NCALD: variants seen among roughly 807,000 people sequenced by gnomAD.
The protein encoded by NCALD is neurocalcin-delta.
Under a neutral mutation model 18.6 loss-of-function variants are expected in NCALD, and 10 were observed. That is an observed-to-expected ratio of 0.54 (90% confidence interval 0.33 to 0.91). The LOEUF (loss-of-function observed/expected upper bound fraction) is 0.91, where lower values mean the gene tolerates loss of function less well. Among genes scored for constraint, NCALD ranks in the 40% least tolerant of loss-of-function variants. NCALD has a pLI of 0.03. For synonymous variants in NCALD, 88 were observed against 87.4 expected (o/e 1.01, Z -0.04); for missense variants, 184 against 247.6 (o/e 0.74, Z 1.72).
At chr8:101,698,875 G>T (rs891188185) in intron 2 of NCALD, among the ~76,000 whole-genome samples, 1 of 152,138 alleles carries the variant, frequency 6.6e-6, no homozygotes, top group Non-Finnish European at 1.5e-5. Flanking sequence ...CATGGGCAAA[G>T]ACTTTATGAT....
intron 1 of NCALD, among the ~76,000 whole-genome samples, chr8:101,784,612 C>A (rs979757498): frequency 6.6e-6 from 1 of 152,014 alleles, no homozygotes; most frequent in African/African-American, 2.4e-5. Flanking sequence ...GCCTGGGCAA[C>A]ATAGTGAGAC....
rs148800253 is a variant in NCALD, at chr8:101,828,334, C to T, written c.-20+58807G>A. On this transcript the variant is annotated intron_variant, in intron 4 of 6. Coordinates refer to the NCALD transcript ENST00000311028. ...CCAGCCCCGCTCCCGATTACTACCCCGATTCAATGCTTCCTCTCCCCGTCA... is the reference window on the plus strand; with the variant it reads ...CCAGCCCCGCTCCCGATTACTACCCTGATTCAATGCTTCCTCTCCCCGTCA... Among the ~76,000 whole-genome samples, 540 of 152,248 alleles carry T rather than the reference C, an allele frequency of 3.5e-3. 4 individuals carry two copies. The highest frequency in any genetic ancestry group is 0.013 in the South Asian group (64 of 4,824).
chr8:101,763,596 G>A lies in NCALD; in HGVS notation c.-20+27266C>T, dbSNP rs528502683. Among the ~76,000 whole-genome samples, 5 of 152,190 alleles carry A rather than the reference G, an allele frequency of 3.3e-5. No homozygotes were observed. The East Asian group carries it at 9.7e-4, about 29-fold the overall frequency. ...AAATATTATCCTGGGTATTTTATGA[G>A]GGTGTTTTTGGATGAGATTACCATT... is the stretch of plus-strand genomic sequence containing the variant. On this transcript the variant is annotated intron_variant, in intron 1 of 3. Transcript: ENST00000220931.
rs548356533 is a variant in NCALD at position 101,908,974 on chromosome 8, T to C, written c.-107+6835A>G. ...GGCCAGTTTTCCAAAAATCAAGAGA[T>C]TCATAGCAACCAATCAGAAGAGGCC... On this transcript the variant is annotated intron_variant, in intron 3 of 6. Transcript: ENST00000311028. 2.0e-5 allele frequency among the ~76,000 whole-genome samples: 3 copies of C among 152,102 alleles called. No individual in the cohort carries two copies. The East Asian group carries it at 5.8e-4, about 29-fold the overall frequency.
Position 101,687,952 on chromosome 8 carries a change from C to T in NCALD, c.*1357G>A, listed in dbSNP as rs760332465. 6.6e-6 allele frequency: 1 copy of T among 152,196 alleles called. No homozygotes were observed. The highest frequency in any genetic ancestry group is 6.5e-5 in the Admixed American group (1 of 15,276). The allele number at this position is 152,196 out of a possible 1,614,324, so 9.4% of individuals were successfully genotyped here. ...ATTCTCCATAGGGGGGCCTTGGAAA[C>T]CACAGACACACTTGCCCATGTCTTT... On this transcript the variant is annotated 3_prime_UTR_variant, in exon 4 of 4. Coordinates refer to ENST00000220931, the MANE Select transcript of NCALD (RefSeq NM_032041.3).
chr8:102,051,005 A>AT (rs919466702), intron 1 of NCALD, among the ~76,000 whole-genome samples: 7 of 150,728 alleles, frequency 4.6e-5, no homozygotes, highest in African/African-American at 1.2e-4. Context: ...ATATAAAGTA[A>AT]TTTTTTTATA....
intron 4 of NCALD, among the ~76,000 whole-genome samples, chr8:101,835,829 G>A (rs2131267397): frequency 6.6e-6 from 1 of 152,252 alleles, no homozygotes; most frequent in Non-Finnish European, 1.5e-5. Context: ...AGGGGAGCAT[G>A]CACAGCTGTG....
chr8:101,770,711 G>A (rs1811548859), intron 1 of NCALD, among the ~76,000 whole-genome samples: 1 of 152,132 alleles, frequency 6.6e-6, no homozygotes, highest in African/African-American at 2.4e-5. Context: ...AAGGCACAGG[G>A]CAGAGACAGC....
chr8:101,793,864 A>G (rs1812537543), upstream of NCALD, among the ~76,000 whole-genome samples: 1 of 152,222 alleles, frequency 6.6e-6, no homozygotes, highest in Admixed American at 6.5e-5. Context: ...AAATGCCACT[A>G]AACAAGCAGT....
At chr8:101,901,691 T>C (rs1817429523) in intron 3 of NCALD, among the ~76,000 whole-genome samples, 2 of 152,204 alleles carry the variant, frequency 1.3e-5, no homozygotes, top group South Asian at 4.1e-4. Context: ...CATCGGATAG[T>C]GTTATTTTTT....
At chr8:101,892,602 T>C (rs1586705884) in intron 3 of NCALD, among the ~76,000 whole-genome samples, 1 of 148,326 alleles carries the variant, frequency 6.7e-6, no homozygotes, top group East Asian at 1.9e-4. Context: ...GGCAAAGAAG[T>C]TGAACACTTT....
At chr8:102,090,245 A>G (rs1463164739) in intron 1 of NCALD, among the ~76,000 whole-genome samples, 1 of 152,234 alleles carries the variant, frequency 6.6e-6, no homozygotes, top group African/African-American at 2.4e-5. Flanking sequence ...TATCAAAGTT[A>G]TAATTGTTAT....
chr8:101,852,281 T>C (rs1815127872), intron 4 of NCALD, among the ~76,000 whole-genome samples: 1 of 152,208 alleles, frequency 6.6e-6, no homozygotes, highest in African/African-American at 2.4e-5. Flanking sequence ...CACTGTACTA[T>C]GTTCTTTTCA....
intron 2 of NCALD, among the ~76,000 whole-genome samples, chr8:101,954,428 T>C (rs1257774035): frequency 6.6e-6 from 1 of 152,190 alleles, no homozygotes; most frequent in Non-Finnish European, 1.5e-5. Context: ...TTTCTGCTTT[T>C]CTTTCCCTTC....
At chr8:101,745,367 G>A (rs1368743965) in intron 1 of NCALD, among the ~76,000 whole-genome samples, 1 of 152,132 alleles carries the variant, frequency 6.6e-6, no homozygotes. Flanking sequence ...TGACTGAGAT[G>A]TAGGGGGAGA....
chr8:101,855,560 G>C (rs1452340143), intron 4 of NCALD, among the ~76,000 whole-genome samples: 2 of 152,074 alleles, frequency 1.3e-5, no homozygotes, highest in Non-Finnish European at 2.9e-5. Context: ...GATAGAAATG[G>C]CTACATTTAA....
At chr8:102,088,039 G>A (rs1341732306) in intron 1 of NCALD, among the ~76,000 whole-genome samples, 1 of 152,168 alleles carries the variant, frequency 6.6e-6, no homozygotes, top group Non-Finnish European at 1.5e-5. Context: ...AATCTTTTGC[G>A]CTTTGTGATA....
intron 4 of NCALD, among the ~76,000 whole-genome samples, chr8:101,854,967 A>T (rs1815248715): frequency 1.3e-5 from 2 of 152,068 alleles, no homozygotes; most frequent in South Asian, 4.2e-4. Context: ...TGCCCACACA[A>T]ATATAGCAGC....
rs997279461 is a variant in NCALD, at chr8:101,876,645, A to G, written c.-20+10496T>C. On this transcript the variant is annotated intron_variant, in intron 4 of 6. Coordinates refer to the NCALD transcript ENST00000311028. ...CACTCTGCCAAGCCACAGACTAAGC[A>G]TTTTGCTTAATACCATGGCAATGGA... Among the ~76,000 whole-genome samples the G allele has an allele frequency of 2.0e-5, 3 of 152,352 alleles. No homozygotes were observed. The East Asian group carries it at 5.8e-4, about 29-fold the overall frequency.
Sources: gnomAD v4.1 joint callset for allele counts (sites outside exome capture counted in the v4.1 genomes callset) on GRCh38, gnomAD v4.1.1 for gene constraint, MANE v1.5 for transcripts, NCBI Gene and HGNC (gene_info 2026-07-23, HGNC 2026-07-21) for gene names.